DLG2: variants seen among roughly 807,000 people sequenced by gnomAD.
DLG2 encodes discs large MAGUK scaffold protein 2.
DLG2 carries 45 observed loss-of-function variants against 132.5 expected under a neutral mutation model. The observed-to-expected ratio is 0.34, with a 90% CI of 0.27 to 0.44. The LOEUF (loss-of-function observed/expected upper bound fraction) is 0.44. DLG2 is among the 20% of genes least tolerant of loss of function. The pLI, the probability that DLG2 is intolerant of heterozygous loss-of-function variation, is 1.00. For missense variants in DLG2, 1,045 were observed against 1,196.9 expected, an observed-to-expected ratio of 0.87 and a Z score of 1.87; for synonymous variants, 424 against 419.6, an observed-to-expected ratio of 1.01 and a Z score of -0.13.
chr11:84,673,595 A>G (rs2099708266), intron 6 of DLG2, among the ~76,000 whole-genome samples: 1 of 144,358 alleles, frequency 6.9e-6, no homozygotes, highest in Non-Finnish European at 1.5e-5. Flanking sequence ...CAAAAGCCCT[A>G]GAATCTAAAA....
At chr11:84,264,528 G>C (rs2097587095) in intron 7 of DLG2, among the ~76,000 whole-genome samples, 1 of 152,144 alleles carries the variant, frequency 6.6e-6, no homozygotes. Context: ...AAAAAAGAAT[G>C]AAAGAGAAGG....
intron 6 of DLG2, among the ~76,000 whole-genome samples, chr11:84,714,823 G>A (rs773852325): frequency 4.6e-5 from 7 of 151,780 alleles, no homozygotes; most frequent in Admixed American, 6.6e-5. Context: ...CTAAGATACT[G>A]TATATATGTT....
chr11:84,752,934 T>C (rs2066362967), intron 6 of DLG2, among the ~76,000 whole-genome samples: 1 of 151,906 alleles, frequency 6.6e-6, no homozygotes, highest in South Asian at 2.1e-4. Flanking sequence ...TTCCATGGTG[T>C]ATATGTGCCA....
At chr11:85,058,962 A>C (rs1288585250) in intron 6 of DLG2, among the ~76,000 whole-genome samples, 11 of 151,484 alleles carry the variant, frequency 7.3e-5, no homozygotes, top group Admixed American at 7.3e-4. Flanking sequence ...CCTAAAAAGG[A>C]CACAAAAGGC....
At chr11:84,031,862 C>G (rs140025877) in intron 11 of DLG2, among the ~76,000 whole-genome samples, 4 of 152,116 alleles carry the variant, frequency 2.6e-5, no homozygotes, top group Non-Finnish European at 5.9e-5. Flanking sequence ...GTTCACTTCA[C>G]GTCGTGTGTC....
chr11:84,064,239 A>G (rs2096636812), intron 10 of DLG2, among the ~76,000 whole-genome samples: 1 of 152,210 alleles, frequency 6.6e-6, no homozygotes, highest in Non-Finnish European at 1.5e-5. Context: ...AAAAATTTAA[A>G]AATTCCCATG....
At chr11:83,564,665 G>T (rs746046509) in intron 19 of DLG2, among the ~76,000 whole-genome samples, 8 of 152,170 alleles carry the variant, frequency 5.3e-5, no homozygotes, top group Non-Finnish European at 7.4e-5. Context: ...GTGAATGATT[G>T]TTTGCATTTA....
chr11:83,573,153 G>A (rs1288128782), intron 19 of DLG2, among the ~76,000 whole-genome samples: 4 of 151,986 alleles, frequency 2.6e-5, no homozygotes, highest in African/African-American at 4.8e-5. Context: ...AAATATGCCC[G>A]ATTCACATGA....
At chr11:83,526,160 G>A (rs1281310318) in intron 21 of DLG2, among the ~76,000 whole-genome samples, 1 of 152,174 alleles carries the variant, frequency 6.6e-6, no homozygotes, top group Non-Finnish European at 1.5e-5. Flanking sequence ...CTTAAAGGGA[G>A]CGTAAGGCTT....
chr11:83,627,025 C>T (rs1052692451), intron 19 of DLG2, among the ~76,000 whole-genome samples: 2 of 152,062 alleles, frequency 1.3e-5, no homozygotes, highest in East Asian at 3.9e-4. Context: ...GAGAAAACAG[C>T]GTCTTAGTCA....
chr11:84,878,677 A>G (rs1488487962), intron 6 of DLG2, among the ~76,000 whole-genome samples: 1 of 152,190 alleles, frequency 6.6e-6, no homozygotes, highest in African/African-American at 2.4e-5. Context: ...CACGTTCTGC[A>G]CATGTATACC....
chr11:85,426,278 A>G (rs1163427489), intron 3 of DLG2, among the ~76,000 whole-genome samples: 1 of 152,174 alleles, frequency 6.6e-6, no homozygotes, highest in East Asian at 1.9e-4. Context: ...TGAAGAGAGT[A>G]GTGGTTCTCC....
intron 3 of DLG2, among the ~76,000 whole-genome samples, chr11:85,324,762 G>A (rs564856353): frequency 3.3e-5 from 5 of 152,236 alleles, no homozygotes; most frequent in African/African-American, 7.2e-5. Flanking sequence ...AGTTGGGGAG[G>A]GAGGAGCCAA....
intron 6 of DLG2, among the ~76,000 whole-genome samples, chr11:84,992,515 G>A (rs188203442): frequency 8.7e-4 from 132 of 152,208 alleles, no homozygotes; most frequent in Admixed American, 5.0e-3. Context: ...AGGGCTCCAT[G>A]GAACACAGTT....
intron 6 of DLG2, among the ~76,000 whole-genome samples, chr11:84,911,967 G>C (rs187935975): frequency 6.6e-6 from 1 of 152,000 alleles, no homozygotes; most frequent in African/African-American, 2.4e-5. Context: ...GTAAGACTAA[G>C]CATCATTTTA....
chr11:83,667,275 A>G (rs533983606), intron 18 of DLG2, among the ~76,000 whole-genome samples: 2 of 152,288 alleles, frequency 1.3e-5, no homozygotes, highest in African/African-American at 4.8e-5. Flanking sequence ...ACTTATTACC[A>G]TTTAATGGTG....
intron 18 of DLG2, among the ~76,000 whole-genome samples, chr11:83,671,827 T>G (rs2076873146): frequency 6.6e-6 from 1 of 152,182 alleles, no homozygotes; most frequent in Non-Finnish European, 1.5e-5. Context: ...TACCAATAAC[T>G]TTTCACCACA....
chr11:85,454,544 A>C (rs990283305), intron 3 of DLG2, among the ~76,000 whole-genome samples: 1 of 152,060 alleles, frequency 6.6e-6, no homozygotes, highest in Non-Finnish European at 1.5e-5. Flanking sequence ...AATTAGATCC[A>C]ATTTATCAAT....
At chr11:84,051,445 T>C (rs1388866497) in intron 11 of DLG2, among the ~76,000 whole-genome samples, 1 of 151,756 alleles carries the variant, frequency 6.6e-6, no homozygotes, top group Non-Finnish European at 1.5e-5. Flanking sequence ...TATGCAGCCA[T>C]CAAAAATGAT....
Sources: gnomAD v4.1 joint callset for allele counts (sites outside exome capture counted in the v4.1 genomes callset) on GRCh38, gnomAD v4.1.1 for gene constraint, MANE v1.5 for transcripts, NCBI Gene and HGNC (gene_info 2026-07-23, HGNC 2026-07-21) for gene names.